SLC25A25: variants seen among roughly 807,000 people sequenced by gnomAD.
The protein encoded by SLC25A25 is mitochondrial adenyl nucleotide antiporter SLC25A25.
Under a neutral mutation model 57.7 loss-of-function variants are expected in SLC25A25, and 32 were observed. The observed-to-expected ratio is 0.55, with a 90% CI of 0.42 to 0.74. The LOEUF is 0.74. Among genes scored for constraint, SLC25A25 ranks in the 30% least tolerant of loss-of-function variants. The probability of loss-of-function intolerance (pLI) is 0.00; values close to 1 mark genes in which losing one functional copy is unlikely to be tolerated. For missense variants in SLC25A25, 556 were observed against 701.3 expected, an observed-to-expected ratio of 0.79 and a Z score of 2.34; for synonymous variants, 306 against 291.2, an observed-to-expected ratio of 1.05 and a Z score of -0.52.
At chr9:128,087,132 T>C (rs982014701) in intron 1 of SLC25A25, among the ~76,000 whole-genome samples, 6 of 150,962 alleles carry the variant, frequency 4.0e-5, no homozygotes, top group Admixed American at 3.3e-4. Flanking sequence ...GGAGAATTGC[T>C]TGAACCCGGA....
chr9:128,105,896 C>T lies in SLC25A25; in HGVS notation c.936+15C>T, dbSNP rs78274237. On this transcript the variant is annotated intron_variant, in intron 7 of 10. Transcript: ENST00000373069. ...CCTATGAGCAGGTGAGGACCCAGCT[C>T]CTCAGGAGGGTCACCGGCCAGTGGC... 9 of 1,611,446 alleles carry T rather than the reference C, an allele frequency of 5.6e-6. No individual in the cohort carries two copies. The highest frequency in any genetic ancestry group is 1.7e-5 in the Admixed American group (1 of 59,946).
chr9:128,101,136 T>G lies in SLC25A25; in HGVS notation c.302T>G (p.Leu101Arg). The G allele has an allele frequency of 6.2e-7, 1 of 1,614,264 alleles. No individual in the cohort carries two copies. Among genetic ancestry groups the G allele is most frequent in the Non-Finnish European group, 8.5e-7 (1 of 1,180,046 alleles). The change falls in exon 2 of 11, where the codon CTA becomes CGA. Residue 101 changes from leucine to arginine, a missense_variant. Physicochemically the swap from Leu to Arg is moderately radical, Grantham distance 102. Around this residue, in one of 3 missense-constraint regions of SLC25A25, gnomAD observed 248 missense variants for 273.5 expected, o/e 0.91. Transcript: ENST00000373069. This position sits in a 1 kb window ranked among gnomAD's most constrained non-coding sequence, Gnocchi z 4.9. ...QAGDKDLDGQ[L>R]DFEEFVHYLQ... ...GGAGATAAGGACCTTGATGGGCAGC[T>G]AGACTTTGAAGAATTTGTCCATTAT...
chr9:128,078,005 AAC>A (rs796406014), intron 1 of SLC25A25, among the ~76,000 whole-genome samples: 9 of 151,828 alleles, frequency 5.9e-5, no homozygotes, highest in African/African-American at 2.2e-4. Flanking sequence ...CAGTCTGGTC[AAC>A]AGAGTGAGAC....
intron 1 of SLC25A25, among the ~76,000 whole-genome samples, chr9:128,080,912 G>A (rs1300653591): frequency 6.6e-6 from 1 of 152,172 alleles, no homozygotes; most frequent in Non-Finnish European, 1.5e-5. Flanking sequence ...GGCATTGTAG[G>A]GGGGATCTTA....
Position 128,101,988 on chromosome 9 carries a change from C to T in SLC25A25, c.477-92C>T. On this transcript the variant is annotated intron_variant, in intron 3 of 10. Transcript: ENST00000373069. The surrounding 1 kb of genome is among the most constrained non-coding windows in gnomAD (Gnocchi z 4.9). ...GTCTCGTGCCGTGCTGTGCCCCTGT[C>T]TCTGGGTGTGTGCTTGCTTCACTAA... The T allele has an allele frequency of 6.9e-7, 1 of 1,445,852 alleles. No homozygotes were observed. Among genetic ancestry groups the T allele is most frequent in the Non-Finnish European group, 9.5e-7 (1 of 1,053,960 alleles). The allele number at this position is 1,445,852 out of a possible 1,614,324, so 89.6% of individuals were successfully genotyped here. A position where few individuals can be genotyped will look rare whatever the true frequency, so the allele number is the denominator to read the frequency against.
chr9:128,095,974 A>G lies in SLC25A25; in HGVS notation c.262-5122A>G, dbSNP rs1479183013. On this transcript the variant is annotated intron_variant, in intron 1 of 10. Transcript: ENST00000373069. The surrounding 1 kb of genome is among the most constrained non-coding windows in gnomAD (Gnocchi z 4.4). ...ACTTTAATAGAAAGTGAAATCTCCA[A>G]TTGAACTTATTCAGTCAAAATATTT... Among the ~76,000 whole-genome samples the G allele has an allele frequency of 3.3e-5, 5 of 152,240 alleles. No homozygotes were observed. Among genetic ancestry groups the G allele is most frequent in the Non-Finnish European group, 5.9e-5 (4 of 68,044 alleles).
intron 1 of SLC25A25, among the ~76,000 whole-genome samples, chr9:128,073,894 C>T (rs534083462): frequency 1.6e-3 from 249 of 152,078 alleles, no homozygotes; most frequent in Middle Eastern, 0.01. Context: ...CCACCATGCC[C>T]TGCTAATTTT....
chr9:128,088,805 C>T (rs146558218), intron 1 of SLC25A25, among the ~76,000 whole-genome samples: 45 of 152,244 alleles, frequency 3.0e-4, no homozygotes, highest in Admixed American at 2.6e-3. Flanking sequence ...AATCAAAAAG[C>T]GGTAATCTAC....
rs559910298 is a variant in SLC25A25 at position 128,108,932 on chromosome 9, A to T, written c.*1488A>T. On this transcript the variant is annotated 3_prime_UTR_variant, in exon 11 of 11. Transcript: ENST00000373069. ...TTTATTTCACTCTTTTCTGAATGTC[A>T]AGGCAGTGAGGTGCCTCTCACTGTG... 56 of 151,930 alleles carry T rather than the reference A, an allele frequency of 3.7e-4. No homozygotes were observed. The highest frequency in any genetic ancestry group is 1.2e-3 in the African/African-American group (50 of 41,500). 9.4% of individuals were successfully genotyped at this position (151,930 alleles called of 1,614,324 possible).
Position 128,101,942 on chromosome 9 carries a change from C to T in SLC25A25, c.477-138C>T. The stretch of plus-strand genomic sequence containing the variant: ...GGTCCTCGGGGACAGCAGCCCTGGG[C>T]TCAGCTGCTGTGGCGGGCTCGTCTC... On this transcript the variant is annotated intron_variant, in intron 3 of 10. Coordinates refer to ENST00000373069, the MANE Select transcript of SLC25A25 (RefSeq NM_001330988.2). The surrounding 1 kb of genome is among the most constrained non-coding windows in gnomAD (Gnocchi z 4.9). The T allele has an allele frequency of 1.0e-6, 1 of 1,000,676 alleles. No homozygotes were observed. The highest frequency in any genetic ancestry group is 1.5e-6 in the Non-Finnish European group (1 of 659,292). The allele number at this position is 1,000,676 out of a possible 1,614,324, so 62.0% of individuals were successfully genotyped here. A position where few individuals can be genotyped will look rare whatever the true frequency, so the allele number is the denominator to read the frequency against.
intron 1 of SLC25A25, chr9:128,098,647 T>G (rs1833648789): frequency 6.2e-7 from 1 of 1,614,174 alleles, no homozygotes; most frequent in Non-Finnish European, 8.5e-7. Flanking sequence ...AGGGGCTCCC[T>G]GCCGAGCTGA....
rs754304263 is a variant in SLC25A25, at chr9:128,106,437, G to C, written c.1129G>C (p.Gly377Arg). 8 of 1,613,440 alleles carry C rather than the reference G, an allele frequency of 5.0e-6. No individual in the cohort carries two copies. Among genetic ancestry groups the C allele is most frequent in the South Asian group, 4.4e-5 (4 of 91,090 alleles). The stretch of plus-strand genomic sequence containing the variant: ...CGCCAGGAGGATCCTGGCCAGAGAG[G>C]GGGTGGCCGCCTTCTACAAAGGCTA... Reference protein sequence around the residue: ...DCARRILAREGVAAFYKGYVP... With the variant: ...DCARRILARERVAAFYKGYVP... The change falls in exon 9 of 11, where the codon GGG (glycine) becomes CGG (arginine). Residue 377 changes from glycine (G) to arginine (R), a missense_variant. Physicochemically the swap from Gly to Arg is moderately radical, Grantham distance 125. Coordinates refer to ENST00000373069, the MANE Select transcript of SLC25A25 (RefSeq NM_001330988.2).
intron 1 of SLC25A25, among the ~76,000 whole-genome samples, chr9:128,069,918 A>ATTTTTTTTTTTT (rs758820179): frequency 9.7e-6 from 1 of 103,058 alleles, no homozygotes; most frequent in Non-Finnish European, 1.9e-5. Context: ...CACCCAGCTA[A>ATTTTTTTTTTTT]TTTTTTTTTT....
At chr9:128,091,330 A>T in intron 1 of SLC25A25, 1 of 645,114 alleles carries the variant, frequency 1.6e-6, no homozygotes, top group Non-Finnish European at 1.9e-6. Flanking sequence ...TCATGCAGGC[A>T]ATCAGCTGCC....
intron 1 of SLC25A25, among the ~76,000 whole-genome samples, chr9:128,073,994 A>G (rs1283301951): frequency 2.0e-5 from 3 of 151,766 alleles, no homozygotes; most frequent in African/African-American, 7.3e-5. Flanking sequence ...TCAGCCTCCC[A>G]AAGTGCTGGG....
At position 128,103,607 on chromosome 9, in the gene SLC25A25, G is replaced by A; in HGVS notation, c.625-74G>A. The A allele has an allele frequency of 6.3e-7, 1 of 1,596,662 alleles. No individual in the cohort carries two copies. The highest frequency in any genetic ancestry group is 8.6e-7 in the Non-Finnish European group (1 of 1,165,626). Reference sequence around the variant, plus strand: ...GTCCCTGGCCTGGAGCCGTGCTAGAGGGTAGACGGCGACAGGTGCCAGCAG... The same window carrying A: ...GTCCCTGGCCTGGAGCCGTGCTAGAAGGTAGACGGCGACAGGTGCCAGCAG... On this transcript the variant is annotated intron_variant, in intron 5 of 10. Transcript: ENST00000373069. This position sits in a 1 kb window ranked among gnomAD's most constrained non-coding sequence, Gnocchi z 6.7.
chr9:128,106,143 G>T lies in SLC25A25; in HGVS notation c.937-7G>T. The T allele has an allele frequency of 6.2e-7, 1 of 1,614,218 alleles. No homozygotes were observed. The highest frequency in any genetic ancestry group is 8.5e-7 in the Non-Finnish European group (1 of 1,180,032). ...ATATCAGGTGGTTTGTTTGTTCCTGGTTCTAGATCAAGCGCCTTGTTGGTA... is the reference window on the plus strand; with the variant it reads ...ATATCAGGTGGTTTGTTTGTTCCTGTTTCTAGATCAAGCGCCTTGTTGGTA... On this transcript the variant is annotated splice_region_variant and splice_polypyrimidine_tract_variant and intron_variant, in intron 7 of 10. Coordinates refer to ENST00000373069, the MANE Select transcript of SLC25A25 (RefSeq NM_001330988.2).
chr9:128,070,461 G>A (rs976075307), intron 1 of SLC25A25, among the ~76,000 whole-genome samples: 3 of 149,476 alleles, frequency 2.0e-5, no homozygotes, highest in African/African-American at 4.9e-5. Flanking sequence ...GGTTGGTCTC[G>A]GGCTCCTGAC....
intron 1 of SLC25A25, among the ~76,000 whole-genome samples, chr9:128,093,876 G>A (rs191937058): frequency 2.0e-5 from 3 of 152,234 alleles, no homozygotes; most frequent in Non-Finnish European, 2.9e-5. Context: ...TAGGCCAGGC[G>A]CAGTGGCTCA....
Sources: gnomAD v4.1 joint callset for allele counts (sites outside exome capture counted in the v4.1 genomes callset) on GRCh38, gnomAD v4.1.1 for gene constraint, gnomAD v4.1.1 regional missense constraint, Gnocchi (gnomAD v3.1) non-coding constraint, MANE v1.5 for transcripts, NCBI Gene and HGNC (gene_info 2026-07-23, HGNC 2026-07-21) for gene names.